The following KIF2C variants were observed in gnomAD, a reference collection of about 807,000 sequenced individuals.
The protein encoded by KIF2C is kinesin family member 2C, also known as kinesin-like protein KIF2C.
In KIF2C, 34 loss-of-function variants were observed where a neutral mutation model predicts 97.4. The ratio of observed to expected loss-of-function variants is 0.35; its 90% CI spans 0.27 to 0.46. KIF2C has a LOEUF of 0.46. Ranked by LOEUF, KIF2C falls within the 20% of genes least tolerant of loss-of-function variation. The pLI is 1.00. For missense variants in KIF2C, 750 were observed against 907.6 expected (o/e 0.83, Z 2.23); for synonymous variants, 313 against 318.2 (o/e 0.98, Z 0.17).
chr1:44,752,235 T>C (rs1649569950), intron 5 of KIF2C, among the ~76,000 whole-genome samples: 1 of 146,812 alleles, frequency 6.8e-6, no homozygotes, highest in African/African-American at 2.5e-5. Context: ...GCCTCCCGGG[T>C]TCATGCCATT....
At chr1:44,753,441 G>C (rs985818695) in intron 6 of KIF2C, among the ~76,000 whole-genome samples, 187 bp downstream of exon 6, 3 of 152,216 alleles carry the variant, frequency 2.0e-5, no homozygotes, top group South Asian at 2.1e-4. Context: ...TCACTTCTGT[G>C]GTTGTTGAGA....
chr1:44,747,704 A>G lies in KIF2C; in HGVS notation c.316+4A>G, dbSNP rs1420292065. On this transcript the variant is annotated splice_donor_region_variant and intron_variant, in intron 4 of 20. Transcript: ENST00000372224. Reference sequence around the variant, plus strand: ...AAAATTCCTGCTCCAAAAGAAAGTAAGTGGATTTCTACTAGCTTACTATCA... The same window carrying G: ...AAAATTCCTGCTCCAAAAGAAAGTAGGTGGATTTCTACTAGCTTACTATCA... The G allele has an allele frequency of 6.2e-7, 1 of 1,612,826 alleles. No individual in the cohort carries two copies. Among genetic ancestry groups the G allele is most frequent in the East Asian group, 2.2e-5 (1 of 44,896 alleles).
At chr1:44,750,625 C>T (rs1649462245) in intron 5 of KIF2C, 61 bp downstream of exon 5, 3 of 1,392,004 alleles carry the variant, frequency 2.2e-6, no homozygotes, top group African/African-American at 1.5e-5. Context: ...TTGCTTGGTC[C>T]CTGTGCTAGA....
At chr1:44,753,504 C>G (rs1165247407) in intron 6 of KIF2C, among the ~76,000 whole-genome samples, 1 of 152,180 alleles carries the variant, frequency 6.6e-6, no homozygotes, top group Non-Finnish European at 1.5e-5. Flanking sequence ...GTGCAGTTAT[C>G]ACTATTTGAC....
intron 16 of KIF2C, chr1:44,761,009 G>A: frequency 3.1e-6 from 1 of 321,968 alleles, no homozygotes; most frequent in Non-Finnish European, 5.9e-6. Flanking sequence ...CTTTGGGTCA[G>A]CAGGAGAGGG....
At position 44,750,472 on chromosome 1, in the gene KIF2C, C is replaced by T; in HGVS notation, c.347C>T (p.Thr116Ile). The T allele has an allele frequency of 6.4e-7, 1 of 1,565,186 alleles. No individual in the cohort carries two copies. The change falls in exon 5 of 21, where the codon ACT (threonine) becomes ATT (isoleucine). Residue 116 changes from threonine to isoleucine, a missense_variant. Coordinates refer to ENST00000372224, the MANE Select transcript of KIF2C (RefSeq NM_006845.4). ...CGAAGCCGCTCCACTCGCATGTCCA[C>T]TGTCTCAGAGCTTCGCATCACGGCT... ...SLRSRSTRMS[T>I]VSELRITAQE...
Position 44,762,660 on chromosome 1 carries a change from T to G in KIF2C, c.1971+2T>G. 3.1e-6 allele frequency: 5 copies of G among 1,603,668 alleles called. No homozygotes were observed. Among genetic ancestry groups the G allele is most frequent in the Non-Finnish European group, 4.3e-6 (5 of 1,170,814 alleles). On this transcript the variant is annotated splice_donor_variant, in intron 19 of 20. Coordinates refer to ENST00000372224, the MANE Select transcript of KIF2C (RefSeq NM_006845.4). LOFTEE classifies it high-confidence loss of function. ...GAAGAGCTCAAGGAGATCATACAGGTAGGCAGCTGGCCCTGGACAGGGAGC... is the reference window on the plus strand; with the variant it reads ...GAAGAGCTCAAGGAGATCATACAGGGAGGCAGCTGGCCCTGGACAGGGAGC...
rs543001174 is a variant in KIF2C, at chr1:44,739,995, C to T, written c.63C>T (p.Arg21=). 6.2e-7 allele frequency: 1 copy of T among 1,614,230 alleles called. No homozygotes were observed. Among genetic ancestry groups the T allele is most frequent in the East Asian group, 2.2e-5 (1 of 44,888 alleles). ...LFPGLAIKIQ[R]SNGLIHSANV... ...CCGGTCTCGCTATCAAGATCCAACG[C>T]AGTAATGGTGAGGAGCGGGGTCCCT... Residue 21 remains arginine, a synonymous_variant, in exon 1 of 21, where the codon CGC becomes CGT. Transcript: ENST00000372224.
At chr1:44,749,359 G>C (rs779039907) in intron 4 of KIF2C, among the ~76,000 whole-genome samples, 11 of 151,870 alleles carry the variant, frequency 7.2e-5, no homozygotes, top group Middle Eastern at 3.4e-3. Flanking sequence ...GTTTGAGCCC[G>C]GGGGGGCAGA....
intron 1 of KIF2C, 37 bp downstream of exon 1, chr1:44,740,039 A>C: frequency 6.2e-7 from 1 of 1,613,334 alleles, no homozygotes; most frequent in Non-Finnish European, 8.5e-7. Flanking sequence ...GGGACTCGTG[A>C]GCGGTGAGAC....
intron 2 of KIF2C, 151 bp downstream of exon 2, chr1:44,741,158 AG>A: frequency 1.7e-6 from 1 of 584,704 alleles, no homozygotes; most frequent in African/African-American, 1.9e-5. Flanking sequence ...TGAGACGGGC[AG>A]ATCACCTGAT....
At chr1:44,759,054 T>G in intron 13 of KIF2C, 152 bp from the exon 14 acceptor site, 4 of 932,048 alleles carry the variant, frequency 4.3e-6, no homozygotes, top group Non-Finnish European at 6.5e-6. Context: ...CCAAGTATAT[T>G]GACCTCTGCT....
intron 5 of KIF2C, among the ~76,000 whole-genome samples, chr1:44,751,257 G>T (rs1043795918): frequency 6.6e-6 from 1 of 151,958 alleles, no homozygotes; most frequent in Admixed American, 6.6e-5. Flanking sequence ...GTGCAATGGC[G>T]TGGTCTTGGC....
intron 2 of KIF2C, among the ~76,000 whole-genome samples, chr1:44,741,379 CAAAAAAAA>C (rs764626810): frequency 3.4e-5 from 2 of 58,494 alleles, no homozygotes; most frequent in Non-Finnish European, 7.0e-5. Context: ...GAATCTGTCT[CAAAAAAAA>C]AAAAAAAAAA....
At chr1:44,755,467 T>C (rs1649777495) in intron 8 of KIF2C, among the ~76,000 whole-genome samples, 1 of 152,150 alleles carries the variant, frequency 6.6e-6, no homozygotes. Context: ...GGTTTTACCA[T>C]GTTGGTCAGG....
rs201078167 is a variant in KIF2C, at chr1:44,760,645, C to T, written c.1626C>T (p.Ser542=). ...QNKAHTPFRE[S]KLTQVLRDSF... is the part of the protein sequence containing the mutation. ...AGGCTCACACCCCGTTCCGTGAGAGCAAGCTGACACAGGTGCTGAGGGACT... is the reference window on the plus strand; with the variant it reads ...AGGCTCACACCCCGTTCCGTGAGAGTAAGCTGACACAGGTGCTGAGGGACT... Residue 542 remains serine, a synonymous_variant, in exon 16 of 21, where the codon AGC becomes AGT. Transcript: ENST00000372224. The surrounding 1 kb of genome is among the most constrained non-coding windows in gnomAD (Gnocchi z 4.2). 4.0e-5 allele frequency: 65 copies of T among 1,614,208 alleles called. 1 individual carries two copies. The East Asian group carries it at 1.0e-3, about 26-fold the overall frequency.
intron 4 of KIF2C, chr1:44,750,223 C>T (rs1649435132): frequency 5.3e-6 from 2 of 380,322 alleles, no homozygotes; most frequent in Non-Finnish European, 9.3e-6. Flanking sequence ...ATATCCTTGC[C>T]CTCAGGAGCT....
At chr1:44,747,307 CAAAAAAAA>C in intron 2 of KIF2C, 69 bp from the exon 3 acceptor site, 1 of 989,804 alleles carries the variant, frequency 1.0e-6, no homozygotes, top group East Asian at 2.7e-5. Context: ...TACTCTGTCT[CAAAAAAAA>C]AAAAAAAGAA....
chr1:44,757,506 C>G, intron 10 of KIF2C, 50 bp from the exon 11 acceptor site: 1 of 1,215,882 alleles, frequency 8.2e-7, no homozygotes, highest in South Asian at 1.2e-5. Flanking sequence ...AGGACATGTT[C>G]CAGGGAGCAC....
Sources: allele counts gnomAD v4.1 joint callset (sites outside exome capture counted in the v4.1 genomes callset), GRCh38; gene constraint gnomAD v4.1.1; non-coding constraint Gnocchi (gnomAD v3.1); transcripts MANE v1.5; gene names NCBI Gene and HGNC (gene_info 2026-07-23, HGNC 2026-07-21).